The following COL5A2 variants were observed in gnomAD, a reference collection of about 807,000 sequenced individuals.
COL5A2 encodes collagen alpha-2(V) chain.
A neutral mutation model predicts 208.2 loss-of-function variants in COL5A2; 23 were observed. The observed-to-expected ratio is 0.11, with a 90% CI of 0.08 to 0.16. The LOEUF (loss-of-function observed/expected upper bound fraction) is 0.16, where lower values mean the gene tolerates loss of function less well. Among genes scored for constraint, COL5A2 ranks in the 10% least tolerant of loss-of-function variants. The probability of loss-of-function intolerance (pLI) is 1.00; values close to 1 mark genes in which losing one functional copy is unlikely to be tolerated. For missense variants in COL5A2, 1,590 were observed against 1,956.4 expected (o/e 0.81, Z 3.53); for synonymous variants, 625 against 628.5 (o/e 0.99, Z 0.08).
intron 1 of COL5A2, among the ~76,000 whole-genome samples, chr2:189,151,922 A>G (rs1485449215): frequency 6.6e-6 from 1 of 152,200 alleles, no homozygotes; most frequent in African/African-American, 2.4e-5. Flanking sequence ...TGTTGGGTCT[A>G]AGACCCCAGT....
chr2:189,098,038 C>CCCCA (rs1301082114), intron 5 of COL5A2, among the ~76,000 whole-genome samples: 1 of 152,032 alleles, frequency 6.6e-6, no homozygotes, highest in Admixed American at 6.5e-5. Context: ...ATGTTTTTCC[C>CCCCA]CCCCTGGGAA....
the COL5A2 span, among the ~76,000 whole-genome samples, chr2:189,382,099 A>G: frequency 6.6e-6 from 1 of 152,204 alleles, no homozygotes; most frequent in Non-Finnish European, 1.5e-5. Flanking sequence ...ATGACTACTC[A>G]ACAATTAATA....
chr2:189,037,254 AT>A (rs1685462877), intron 51 of COL5A2, among the ~76,000 whole-genome samples: 1 of 152,222 alleles, frequency 6.6e-6, no homozygotes, highest in Non-Finnish European at 1.5e-5. Flanking sequence ...TTAGAATGCT[AT>A]GAATCATTTC....
the COL5A2 span, among the ~76,000 whole-genome samples, chr2:189,321,831 T>C: frequency 6.6e-6 from 1 of 152,206 alleles, no homozygotes; most frequent in Non-Finnish European, 1.5e-5. Context: ...GCAGACCTAA[T>C]AGACATCTAC....
intron 17 of COL5A2, among the ~76,000 whole-genome samples, chr2:189,073,030 G>T (rs937735323): frequency 6.6e-6 from 1 of 151,990 alleles, no homozygotes; most frequent in Admixed American, 6.6e-5. Context: ...TTCATCCTAT[G>T]TTTTGTTTCC....
At chr2:189,401,396 C>T in the COL5A2 span, among the ~76,000 whole-genome samples, 6 of 152,218 alleles carry the variant, frequency 3.9e-5, no homozygotes, top group African/African-American at 1.4e-4. Context: ...AACATGATCT[C>T]ATTCCTTTTT....
At chr2:189,051,097 A>T (rs988097329) in intron 42 of COL5A2, among the ~76,000 whole-genome samples, 1 of 152,056 alleles carries the variant, frequency 6.6e-6, no homozygotes, top group Admixed American at 6.6e-5. Context: ...TTAACAAATA[A>T]TTTTTTTGGG....
intron 1 of COL5A2, among the ~76,000 whole-genome samples, chr2:189,113,207 A>C (rs1370821012): frequency 6.6e-6 from 1 of 152,130 alleles, no homozygotes; most frequent in Non-Finnish European, 1.5e-5. Flanking sequence ...AGGTGGGAGG[A>C]TTGCTTGAGG....
Position 189,187,786 on chromosome 2 carries a change from G to A in COL5A2, c.-42+37362C>T, listed in dbSNP as rs148572700. On this transcript the variant is annotated intron_variant, in intron 1 of 10. Coordinates refer to the COL5A2 transcript ENST00000649966. ...AGATCGAGACCATCCTGGCGAACAT[G>A]GTGAGACTCCGTCTCTACTAAAAAA... Among the ~76,000 whole-genome samples the A allele has an allele frequency of 5.5e-3, 837 of 152,110 alleles. 8 individuals are homozygous for A. Among genetic ancestry groups the A allele is most frequent in the African/African-American group, 0.019 (781 of 41,504 alleles).
At chr2:189,429,062 A>G in the COL5A2 span, among the ~76,000 whole-genome samples, 10 of 152,314 alleles carry the variant, frequency 6.6e-5, no homozygotes, top group African/African-American at 2.4e-4. Flanking sequence ...ACCATAATAA[A>G]TGGCAATATG....
chr2:189,385,635 T>A, the COL5A2 span, among the ~76,000 whole-genome samples: 1 of 150,948 alleles, frequency 6.6e-6, no homozygotes, highest in Non-Finnish European at 1.5e-5. Context: ...CAAAAATTCA[T>A]ACAGAATCGA....
intron 1 of COL5A2, among the ~76,000 whole-genome samples, chr2:189,131,338 C>T (rs938364066): frequency 2.0e-5 from 3 of 151,958 alleles, no homozygotes; most frequent in African/African-American, 7.3e-5. Flanking sequence ...AGGTAATTTC[C>T]CAGCAAATAA....
intron 1 of COL5A2, among the ~76,000 whole-genome samples, chr2:189,158,322 G>T (rs1688295009): frequency 6.6e-6 from 1 of 151,906 alleles, no homozygotes; most frequent in South Asian, 2.1e-4. Context: ...TATTTTTGTA[G>T]TGCTTACTAG....
the COL5A2 span, among the ~76,000 whole-genome samples, chr2:189,431,666 G>A: frequency 4.6e-5 from 7 of 152,140 alleles, no homozygotes; most frequent in East Asian, 3.9e-4. Flanking sequence ...AAAAAGAAAC[G>A]AACAAAGCCT....
At chr2:189,057,597 A>T (rs901919481) in intron 33 of COL5A2, among the ~76,000 whole-genome samples, 170 bp from the exon 34 acceptor site, 4 of 152,172 alleles carry the variant, frequency 2.6e-5, no homozygotes, top group Non-Finnish European at 5.9e-5. Context: ...TTTTGAAATT[A>T]AAAAAACCAG....
At chr2:189,239,766 T>A in the COL5A2 span, among the ~76,000 whole-genome samples, 2 of 151,580 alleles carry the variant, frequency 1.3e-5, no homozygotes, top group South Asian at 4.2e-4. Context: ...ACTTAAAGTA[T>A]AATAATAATA....
the COL5A2 span, among the ~76,000 whole-genome samples, chr2:189,253,473 T>C: frequency 1.3e-5 from 2 of 152,244 alleles, no homozygotes; most frequent in Admixed American, 6.5e-5. Flanking sequence ...TTATGAATGT[T>C]AGCTATAAGC....
the COL5A2 span, among the ~76,000 whole-genome samples, chr2:189,314,623 T>C: frequency 6.6e-6 from 1 of 152,108 alleles, no homozygotes; most frequent in Non-Finnish European, 1.5e-5. Flanking sequence ...CAAGAAACCA[T>C]TCAAAACTTC....
At chr2:189,252,750 A>G in the COL5A2 span, among the ~76,000 whole-genome samples, 2 of 27,298 alleles carry the variant, frequency 7.3e-5, no homozygotes, top group Non-Finnish European at 1.5e-4. Flanking sequence ...ACCCTATTAA[A>G]GTATAATAAA....
Sources: allele counts gnomAD v4.1 joint callset (sites outside exome capture counted in the v4.1 genomes callset), GRCh38; gene constraint gnomAD v4.1.1; transcripts MANE v1.5; gene names NCBI Gene and HGNC (gene_info 2026-07-23, HGNC 2026-07-21).